Variants in KCNJ6 observed in about 807,000 individuals in gnomAD.
The protein encoded by KCNJ6 is G protein-activated inward rectifier potassium channel 2.
A neutral mutation model predicts 34.2 loss-of-function variants in KCNJ6; 9 were observed. That is an observed-to-expected ratio of 0.26 (90% CI 0.16 to 0.46). KCNJ6 has a LOEUF of 0.46. KCNJ6 is among the 20% of genes least tolerant of loss of function. The probability of loss-of-function intolerance (pLI) is 1.00; values close to 1 mark genes in which losing one functional copy is unlikely to be tolerated. For synonymous variants in KCNJ6, 196 were observed against 207.1 expected (o/e 0.95, Z 0.46); for missense variants, 236 against 531.3 (o/e 0.44, Z 5.46).
intron 2 of KCNJ6, among the ~76,000 whole-genome samples, chr21:37,769,139 G>A (rs760849229): frequency 2.0e-5 from 3 of 152,168 alleles, no homozygotes; most frequent in Admixed American, 6.5e-5. Context: ...AGGACACTAG[G>A]CTGTGGTTAA....
intron 1 of KCNJ6, among the ~76,000 whole-genome samples, chr21:37,908,966 C>T (rs1047349894): frequency 2.0e-5 from 3 of 152,208 alleles, no homozygotes; most frequent in Non-Finnish European, 4.4e-5. Flanking sequence ...TTTGCAGCTG[C>T]TCTTGCAGTT....
At chr21:37,792,539 G>A (rs768032110) in intron 2 of KCNJ6, among the ~76,000 whole-genome samples, 2 of 152,194 alleles carry the variant, frequency 1.3e-5, no homozygotes, top group Non-Finnish European at 2.9e-5. Context: ...AGTAGGGTAG[G>A]AGAGGAAGTA....
intron 3 of KCNJ6, among the ~76,000 whole-genome samples, chr21:37,637,014 C>T (rs1270957331): frequency 6.6e-6 from 1 of 152,192 alleles, no homozygotes; most frequent in Non-Finnish European, 1.5e-5. Flanking sequence ...CATTTTATTT[C>T]AAACACCAGG....
chr21:37,718,248 G>A (rs1308583105), intron 2 of KCNJ6, among the ~76,000 whole-genome samples: 2 of 152,192 alleles, frequency 1.3e-5, no homozygotes, highest in Admixed American at 1.3e-4. Context: ...TGGATCCTGA[G>A]TCATGGGTGG....
intron 2 of KCNJ6, among the ~76,000 whole-genome samples, chr21:37,759,208 C>G (rs1036844109): frequency 1.3e-5 from 2 of 152,180 alleles, no homozygotes; most frequent in African/African-American, 4.8e-5. Context: ...CGGGCTGCAT[C>G]TCTGTCCTAC....
intron 2 of KCNJ6, among the ~76,000 whole-genome samples, chr21:37,761,276 A>T (rs1350487017): frequency 7.2e-6 from 1 of 138,868 alleles, no homozygotes; most frequent in African/African-American, 3.1e-5. Context: ...TGTGTGTGGT[A>T]GTGTAATGTG....
At chr21:37,796,854 C>T (rs1346841559) in intron 2 of KCNJ6, among the ~76,000 whole-genome samples, 3 of 126,374 alleles carry the variant, frequency 2.4e-5, no homozygotes, top group East Asian at 2.5e-4. Flanking sequence ...ACTGCAGTGG[C>T]GCAACCTCGG....
At chr21:37,626,110 T>C (rs2054309538) in intron 3 of KCNJ6, among the ~76,000 whole-genome samples, 1 of 147,518 alleles carries the variant, frequency 6.8e-6, no homozygotes, top group Admixed American at 7.1e-5. Context: ...TCATAACTAC[T>C]TTAAAAGCTT....
chr21:37,781,276 G>A (rs924329613), intron 2 of KCNJ6, among the ~76,000 whole-genome samples: 4 of 152,224 alleles, frequency 2.6e-5, no homozygotes, highest in East Asian at 1.9e-4. Context: ...GAGCTGCCTC[G>A]ATTGTGTGAC....
At chr21:37,668,383 A>G (rs2054526431) in intron 3 of KCNJ6, among the ~76,000 whole-genome samples, 1 of 152,148 alleles carries the variant, frequency 6.6e-6, no homozygotes, top group Admixed American at 6.5e-5. Flanking sequence ...CTTGGCTTAC[A>G]GATGCCCTCT....
chr21:37,688,134 T>C (rs1186720685), intron 3 of KCNJ6, among the ~76,000 whole-genome samples: 1 of 152,208 alleles, frequency 6.6e-6, no homozygotes, highest in Non-Finnish European at 1.5e-5. Flanking sequence ...TTCTTCTTTA[T>C]TTTTCTCTTA....
chr21:37,679,263 A>G (rs1569443923), intron 3 of KCNJ6, among the ~76,000 whole-genome samples: 2 of 152,196 alleles, frequency 1.3e-5, no homozygotes, highest in South Asian at 2.1e-4. Flanking sequence ...TGAATTCTAG[A>G]TCTACAGAAG....
At chr21:37,753,473 T>C (rs1445620212) in intron 2 of KCNJ6, among the ~76,000 whole-genome samples, 2 of 152,256 alleles carry the variant, frequency 1.3e-5, no homozygotes, top group East Asian at 3.9e-4. Context: ...ATCAAGAACG[T>C]ATCCCAGCCT....
intron 3 of KCNJ6, among the ~76,000 whole-genome samples, chr21:37,673,009 T>C (rs1313105412): frequency 6.6e-6 from 1 of 152,230 alleles, no homozygotes; most frequent in Admixed American, 6.5e-5. Flanking sequence ...TTCTTTTAAG[T>C]GTGGTAAATG....
At chr21:37,808,940 C>A (rs1029353012) in intron 2 of KCNJ6, among the ~76,000 whole-genome samples, 1 of 152,188 alleles carries the variant, frequency 6.6e-6, no homozygotes, top group Non-Finnish European at 1.5e-5. Context: ...TAAACTAGTT[C>A]AACCATTGTG....
chr21:37,711,952 A>G (rs1205113949), intron 3 of KCNJ6, among the ~76,000 whole-genome samples: 1 of 152,244 alleles, frequency 6.6e-6, no homozygotes, highest in Non-Finnish European at 1.5e-5. Context: ...TAGGGTGCTC[A>G]GAGGCAAGTA....
chr21:37,880,911 T>C (rs1301334093), intron 1 of KCNJ6, among the ~76,000 whole-genome samples: 1 of 152,050 alleles, frequency 6.6e-6, no homozygotes, highest in African/African-American at 2.4e-5. Context: ...TCAGAGAACA[T>C]GTGGATAAGA....
chr21:37,697,709 A>G (rs573819300), intron 3 of KCNJ6, among the ~76,000 whole-genome samples: 1 of 152,286 alleles, frequency 6.6e-6, no homozygotes, highest in East Asian at 1.9e-4. Flanking sequence ...GATTGGATGC[A>G]TTTTCAAAGA....
At chr21:37,883,971 G>T (rs1457447700) in intron 1 of KCNJ6, among the ~76,000 whole-genome samples, 1 of 152,212 alleles carries the variant, frequency 6.6e-6, no homozygotes, top group Non-Finnish European at 1.5e-5. Flanking sequence ...AATCCACAGA[G>T]GCATGAATGC....
Sources: allele counts gnomAD v4.1 joint callset (sites outside exome capture counted in the v4.1 genomes callset), GRCh38; gene constraint gnomAD v4.1.1; transcripts MANE v1.5; gene names NCBI Gene and HGNC (gene_info 2026-07-23, HGNC 2026-07-21).